LINGO1: variants seen among roughly 807,000 people sequenced by gnomAD.
LINGO1 encodes the protein leucine rich repeat and Ig domain containing 1, also known as leucine-rich repeat and immunoglobulin-like domain-containing nogo receptor-interacting protein 1.
In LINGO1, 11 loss-of-function variants were observed where a neutral mutation model predicts 37.3. That is an observed-to-expected ratio of 0.29 (90% CI 0.19 to 0.49). The LOEUF is 0.49. Ranked by LOEUF, LINGO1 falls within the 20% of genes least tolerant of loss-of-function variation. The probability of loss-of-function intolerance (pLI) is 0.99; values close to 1 mark genes in which losing one functional copy is unlikely to be tolerated. For missense variants in LINGO1, 585 were observed against 878.2 expected, an observed-to-expected ratio of 0.67 and a Z score of 4.22; for synonymous variants, 387 against 403.0, an observed-to-expected ratio of 0.96 and a Z score of 0.48.
chr15:77,645,832 T>C (rs1190885758), intron 3 of LINGO1, among the ~76,000 whole-genome samples: 1 of 152,226 alleles, frequency 6.6e-6, no homozygotes, highest in Non-Finnish European at 1.5e-5. Flanking sequence ...TCTCCCTTTG[T>C]GGTGGGCATT....
At chr15:77,667,007 C>A (rs2075144251) in intron 3 of LINGO1, 1 of 152,248 alleles carries the variant, frequency 6.6e-6, no homozygotes, top group Non-Finnish European at 1.5e-5. Flanking sequence ...CTGAGATGAG[C>A]AATGTGGTTG....
intron 2 of LINGO1, among the ~76,000 whole-genome samples, chr15:77,719,981 A>G (rs891393805): frequency 6.7e-6 from 1 of 150,308 alleles, no homozygotes; most frequent in African/African-American, 2.4e-5. Flanking sequence ...GGCTGGGGAC[A>G]GTGAAGCTAT....
In LINGO1 at chr15:77,671,283, G is replaced by A. The variant is rs568612040; in HGVS notation, c.-13+5806C>T. ...GGATTGGCTGGCAGGGAAAGGGAGG[G>A]AAGAGGGGAGAAGAGGGAGAAGGTA... On this transcript the variant is annotated intron_variant, in intron 3 of 3. Coordinates refer to the LINGO1 transcript ENST00000559893. Among the ~76,000 whole-genome samples the A allele has an allele frequency of 1.2e-4, 19 of 152,318 alleles. No individual in the cohort carries two copies. The South Asian group carries it at 2.3e-3, about 18-fold the overall frequency.
intron 1 of LINGO1, among the ~76,000 whole-genome samples, chr15:77,756,934 C>T (rs2076426034): frequency 6.6e-6 from 1 of 152,250 alleles, no homozygotes; most frequent in Non-Finnish European, 1.5e-5. Context: ...CACCTTGGAG[C>T]TCAGCCTTGG....
chr15:77,781,996 G>A (rs533719546), intron 1 of LINGO1, among the ~76,000 whole-genome samples: 5 of 152,310 alleles, frequency 3.3e-5, no homozygotes, highest in East Asian at 1.9e-4. Context: ...AGCCAGAAAG[G>A]GAAAGGACCC....
chr15:77,621,344 T>G (rs2073912391), intron 1 of LINGO1, among the ~76,000 whole-genome samples: 1 of 152,224 alleles, frequency 6.6e-6, no homozygotes, highest in African/African-American at 2.4e-5. Context: ...CATGAGCCAC[T>G]GTGCCCAGCT....
intron 1 of LINGO1, among the ~76,000 whole-genome samples, chr15:77,808,467 G>C (rs2076978380): frequency 6.6e-6 from 1 of 152,190 alleles, no homozygotes; most frequent in Admixed American, 6.5e-5. Context: ...CCGAATGCTG[G>C]CCTGCCAGCC....
intron 2 of LINGO1, among the ~76,000 whole-genome samples, chr15:77,711,269 A>G (rs1426650055): frequency 6.6e-6 from 1 of 152,106 alleles, no homozygotes; most frequent in Non-Finnish European, 1.5e-5. Flanking sequence ...TAACATTACT[A>G]TATTTGCTTA....
intron 1 of LINGO1, among the ~76,000 whole-genome samples, chr15:77,629,328 AAC>A (rs1028148354): frequency 2.0e-5 from 3 of 150,226 alleles, no homozygotes; most frequent in Non-Finnish European, 2.9e-5. Context: ...ATTCTTCCAC[AAC>A]CAAACAGAGG....
intron 1 of LINGO1, among the ~76,000 whole-genome samples, chr15:77,772,027 T>C (rs2076591056): frequency 6.6e-6 from 1 of 152,186 alleles, no homozygotes; most frequent in Non-Finnish European, 1.5e-5. Context: ...GACACCCACC[T>C]CCACTGTGTA....
chr15:77,686,000 G>A (rs1335871002), intron 2 of LINGO1, among the ~76,000 whole-genome samples: 2 of 152,202 alleles, frequency 1.3e-5, no homozygotes, highest in African/African-American at 2.4e-5. Flanking sequence ...GTGGGCGGCT[G>A]TCTAGGTGGC....
chr15:77,734,098 A>G (rs1567553483), intron 2 of LINGO1, among the ~76,000 whole-genome samples: 1 of 152,168 alleles, frequency 6.6e-6, no homozygotes, highest in Non-Finnish European at 1.5e-5. Context: ...CCGTGCGGCA[A>G]GTTAGGCCAG....
In LINGO1 at chr15:77,614,262, G is replaced by C. The variant is rs1258656374; in HGVS notation, c.1645C>G (p.Pro549Ala). 4.3e-6 allele frequency: 7 copies of C among 1,613,934 alleles called. No homozygotes were observed. In the African/African-American group the frequency reaches 6.7e-5, roughly 15 times the overall value. The change falls in exon 2 of 2, where the codon CCT becomes GCT. Residue 549 changes from proline (P) to alanine (A), a missense_variant. Coordinates refer to ENST00000355300, the MANE Select transcript of LINGO1 (RefSeq NM_032808.7). ...AGGGTCTTGATGTCGAAGGGGAAAG[G>C]CACAGTGGCGCGGGTGCTGTTGGCC... Reference protein sequence around the residue: ...GEANSTRATVPFPFDIKTLII... With the variant: ...GEANSTRATVAFPFDIKTLII...
chr15:77,720,458 T>C (rs893741800), intron 2 of LINGO1, among the ~76,000 whole-genome samples: 2 of 152,214 alleles, frequency 1.3e-5, no homozygotes, highest in South Asian at 2.1e-4. Context: ...GGAATCTGCA[T>C]GAAGAACCAT....
At chr15:77,779,909 G>A (rs887831298) in intron 1 of LINGO1, among the ~76,000 whole-genome samples, 1 of 152,164 alleles carries the variant, frequency 6.6e-6, no homozygotes, top group African/African-American at 2.4e-5. Context: ...CCAGGCACCA[G>A]GAGGATACTG....
chr15:77,746,504 T>C (rs1211986135), intron 1 of LINGO1, among the ~76,000 whole-genome samples: 20 of 152,204 alleles, frequency 1.3e-4, no homozygotes, highest in Non-Finnish European at 2.9e-5. Flanking sequence ...TAGAGCACCC[T>C]GAACCTGTGG....
intron 1 of LINGO1, among the ~76,000 whole-genome samples, chr15:77,623,336 C>T (rs906158152): frequency 1.3e-5 from 2 of 152,222 alleles, no homozygotes; most frequent in Non-Finnish European, 2.9e-5. Context: ...CATCCTGGGA[C>T]TCCTAATGGC....
intron 1 of LINGO1, among the ~76,000 whole-genome samples, chr15:77,775,135 T>C (rs2076624575): frequency 6.6e-6 from 1 of 152,156 alleles, no homozygotes; most frequent in African/African-American, 2.4e-5. Flanking sequence ...GCTAGAGGGA[T>C]AGGCCTCCAA....
At chr15:77,769,389 C>T (rs561696669) in intron 1 of LINGO1, among the ~76,000 whole-genome samples, 1 of 152,238 alleles carries the variant, frequency 6.6e-6, no homozygotes, top group East Asian at 1.9e-4. Context: ...AGGTCCCCCC[C>T]CAGCCTCCCC....
Sources: allele counts gnomAD v4.1 joint callset (sites outside exome capture counted in the v4.1 genomes callset), GRCh38; gene constraint gnomAD v4.1.1; transcripts MANE v1.5; gene names NCBI Gene and HGNC (gene_info 2026-07-23, HGNC 2026-07-21).